Variants in ZC3H12B observed in about 807,000 individuals in gnomAD.
ZC3H12B encodes the protein probable ribonuclease ZC3H12B.
In ZC3H12B, 7 loss-of-function variants were observed where a neutral mutation model predicts 43.9. That is an observed-to-expected ratio of 0.16 (90% CI 0.09 to 0.30). ZC3H12B has a LOEUF of 0.30. Ranked by LOEUF, ZC3H12B falls within the 10% of genes least tolerant of loss-of-function variation. The probability of loss-of-function intolerance (pLI) is 1.00; values close to 1 mark genes in which losing one functional copy is unlikely to be tolerated. For synonymous variants in ZC3H12B, 222 were observed against 241.7 expected (o/e 0.92, Z 0.76); for missense variants, 475 against 670.2 (o/e 0.71, Z 3.22).
At chrX:65,449,356 C>A (rs1164954632) in intron 3 of ZC3H12B, among the ~76,000 whole-genome samples, 1 of 111,589 alleles carries the variant, frequency 9.0e-6, no homozygotes, top group Non-Finnish European at 1.9e-5. Flanking sequence ...TGGTGGTTCA[C>A]GCCTGTAATC....
chrX:65,440,536 C>T (rs1169071055), intron 3 of ZC3H12B, among the ~76,000 whole-genome samples: 2 of 112,475 alleles, frequency 1.8e-5, no homozygotes, highest in African/African-American at 6.5e-5. Context: ...TTTACCATTA[C>T]TAGACCCATC....
In ZC3H12B at chrX:65,408,388, A is replaced by G; in HGVS notation, n.407+9684A>G. The G allele has an allele frequency of 2.5e-6, 3 of 1,202,738 alleles. No homozygotes were observed. In the South Asian group the frequency reaches 5.3e-5, roughly 21 times the overall value. ...CATTTCTGTCTCAGGAACATCAACA[A>G]CAGGTGGCCCAGGCTGTCGAACGTG... On this transcript the variant is annotated intron_variant and non_coding_transcript_variant, in intron 3 of 5. Transcript: ENST00000617377.
At chrX:65,070,922 C>G in the ZC3H12B span, among the ~76,000 whole-genome samples, 2 of 102,343 alleles carry the variant, frequency 2.0e-5, no homozygotes, top group East Asian at 6.5e-4. Context: ...AATGTATACT[C>G]TGTTGTCTTT....
At chrX:65,191,593 G>T in the ZC3H12B span, among the ~76,000 whole-genome samples, 1 of 103,992 alleles carries the variant, frequency 9.6e-6, no homozygotes. Flanking sequence ...GCATAGAGGT[G>T]TTTGTAGTAT....
the ZC3H12B span, among the ~76,000 whole-genome samples, chrX:65,149,764 A>AAAT: frequency 0.016 from 1,349 of 85,246 alleles, 22 homozygotes; most frequent in East Asian, 0.031. Context: ...ACTTAATCTC[A>AAAT]AATAATAATA....
At chrX:65,268,508 C>G in the ZC3H12B span, among the ~76,000 whole-genome samples, 1 of 111,932 alleles carries the variant, frequency 8.9e-6, no homozygotes, top group Admixed American at 9.5e-5. Flanking sequence ...TGCAAAAATT[C>G]TCAATGAAAT....
At chrX:65,359,139 A>G in the ZC3H12B span, among the ~76,000 whole-genome samples, 2 of 110,243 alleles carry the variant, frequency 1.8e-5, no homozygotes, top group African/African-American at 6.6e-5. Context: ...TTTTAGGCCT[A>G]CTGTTGAGAC....
the ZC3H12B span, among the ~76,000 whole-genome samples, chrX:65,088,130 C>A: frequency 3.6e-5 from 4 of 111,542 alleles, no homozygotes; most frequent in Admixed American, 9.5e-5. Flanking sequence ...TTTACATTAG[C>A]CTGTGTAAGA....
the ZC3H12B span, chrX:65,357,136 G>A: frequency 2.1e-6 from 1 of 483,207 alleles, no homozygotes; most frequent in South Asian, 2.6e-5. Context: ...CTTCACATGG[G>A]GGCTCTGTCC....
At chrX:65,092,714 A>G in the ZC3H12B span, among the ~76,000 whole-genome samples, 6 of 112,333 alleles carry the variant, frequency 5.3e-5, no homozygotes, top group African/African-American at 1.9e-4. Flanking sequence ...GCCTATGCTC[A>G]TATGTGTGAG....
intron 3 of ZC3H12B, among the ~76,000 whole-genome samples, chrX:65,455,734 C>T (rs1468528097): frequency 2.7e-5 from 3 of 111,761 alleles, no homozygotes; most frequent in South Asian, 3.7e-4. Flanking sequence ...AGAGAAAAGT[C>T]GGGTTACCCA....
chrX:65,099,515 G>A, the ZC3H12B span, among the ~76,000 whole-genome samples: 2 of 111,759 alleles, frequency 1.8e-5, no homozygotes, highest in African/African-American at 6.5e-5. Flanking sequence ...CTGGGACAAA[G>A]CTTCCAGAGG....
chrX:65,294,069 C>A, the ZC3H12B span, among the ~76,000 whole-genome samples: 1 of 111,128 alleles, frequency 9.0e-6, no homozygotes, highest in African/African-American at 3.3e-5. Context: ...TCTCTAAAGT[C>A]AAGATGAAGG....
the ZC3H12B span, among the ~76,000 whole-genome samples, chrX:65,229,918 C>T: frequency 1.8e-5 from 2 of 111,175 alleles, no homozygotes; most frequent in African/African-American, 6.5e-5. Flanking sequence ...GAAATAGGAA[C>T]ACTTTTACAC....
At chrX:65,350,506 G>A in the ZC3H12B span, among the ~76,000 whole-genome samples, 35 of 111,662 alleles carry the variant, frequency 3.1e-4, no homozygotes, top group Admixed American at 3.0e-3. Context: ...GAAAAAAATT[G>A]TATTGAAATA....
chrX:65,403,249 A>T (rs1276958679), intron 3 of ZC3H12B, among the ~76,000 whole-genome samples: 3 of 111,926 alleles, frequency 2.7e-5, no homozygotes, highest in Non-Finnish European at 5.6e-5. Context: ...GAGCTTGACG[A>T]CAGACTATTT....
chrX:65,116,919 A>G, the ZC3H12B span, among the ~76,000 whole-genome samples: 1 of 112,052 alleles, frequency 8.9e-6, no homozygotes, highest in East Asian at 2.8e-4. Flanking sequence ...ATAGTATTCC[A>G]TGGTGTATAT....
the ZC3H12B span, among the ~76,000 whole-genome samples, chrX:65,103,747 G>A: frequency 1.1e-4 from 12 of 110,440 alleles, no homozygotes; most frequent in South Asian, 3.8e-4. Flanking sequence ...CTGACTTCCC[G>A]CAACACTCAA....
the ZC3H12B span, among the ~76,000 whole-genome samples, chrX:65,298,380 G>A: frequency 1.4e-4 from 16 of 111,944 alleles, no homozygotes; most frequent in Non-Finnish European, 2.8e-4. Flanking sequence ...TAAAATTTGT[G>A]GGATGCAGTA....
Sources: allele counts gnomAD v4.1 joint callset (sites outside exome capture counted in the v4.1 genomes callset), GRCh38; gene constraint gnomAD v4.1.1; transcripts MANE v1.5; gene names NCBI Gene and HGNC (gene_info 2026-07-23, HGNC 2026-07-21).